Variants in ZNF727 observed in about 807,000 individuals in gnomAD.
The protein encoded by ZNF727 is putative zinc finger protein 727.
In ZNF727, 11 loss-of-function variants were observed where a neutral mutation model predicts 11.5. The ratio of observed to expected loss-of-function variants is 0.95; its 90% CI spans 0.60 to 1.58. The LOEUF (loss-of-function observed/expected upper bound fraction) is 1.58, where lower values mean the gene tolerates loss of function less well. Among genes scored for constraint, ZNF727 ranks in the 40% most tolerant of loss-of-function variants. The pLI, the probability that ZNF727 is intolerant of heterozygous loss-of-function variation, is 0.00. For missense variants in ZNF727, 533 were observed against 581.7 expected (o/e 0.92, Z 0.86); for synonymous variants, 171 against 196.1 (o/e 0.87, Z 1.07).
chr7:64,060,036 G>A (rs984265482), intron 1 of ZNF727, among the ~76,000 whole-genome samples: 4 of 151,970 alleles, frequency 2.6e-5, no homozygotes, highest in Non-Finnish European at 4.4e-5. Context: ...AGCTTATTTT[G>A]CTTTTGAATA....
intron 1 of ZNF727, among the ~76,000 whole-genome samples, chr7:64,061,250 G>A (rs1789765373): frequency 1.3e-5 from 2 of 152,038 alleles, no homozygotes; most frequent in Admixed American, 6.6e-5. Flanking sequence ...TGGATTATGT[G>A]TCTGCTGCTG....
chr7:64,055,427 A>AG (rs58097380), intron 1 of ZNF727, among the ~76,000 whole-genome samples: 1,848 of 151,434 alleles, frequency 0.012, 56 homozygotes, highest in East Asian at 0.078. Flanking sequence ...AAAAAAAAAA[A>AG]GTGTACATAA....
Position 64,079,035 on chromosome 7 carries a change from T to C in ZNF727, c.*486T>C, listed in dbSNP as rs574501619. On this transcript the variant is annotated 3_prime_UTR_variant, in exon 4 of 4. Transcript: ENST00000456806. ...GCCTTTACCTACTCCTCAATCCTTA[T>C]TAACCACAAGAGAATTCATATGGAA... Among the ~76,000 whole-genome samples, 45 of 151,638 alleles carry C rather than the reference T, an allele frequency of 3.0e-4. No individual in the cohort carries two copies. Among genetic ancestry groups the C allele is most frequent in the Admixed American group, 1.3e-3 (20 of 15,218 alleles).
chr7:64,077,272 T>C lies in ZNF727; in HGVS notation c.227-4T>C, dbSNP rs1785680484. The C allele has an allele frequency of 3.4e-6, 5 of 1,479,758 alleles. No homozygotes were observed. The highest frequency in any genetic ancestry group is 4.5e-6 in the Non-Finnish European group (5 of 1,117,720). 91.7% of individuals were successfully genotyped at this position (1,479,758 alleles called of 1,614,324 possible). The stretch of plus-strand genomic sequence containing the variant: ...AAATTTTGTGGTTCTTTTTTTTTTT[T>C]CAGCTGGCTCTTTGCATTTTACTGC... On this transcript the variant is annotated splice_polypyrimidine_tract_variant and splice_region_variant and intron_variant, in intron 3 of 3. Transcript: ENST00000456806.
chr7:64,071,046 G>C (rs1048782181), intron 3 of ZNF727, among the ~76,000 whole-genome samples: 1 of 151,162 alleles, frequency 6.6e-6, no homozygotes, highest in Admixed American at 6.6e-5. Flanking sequence ...GATTGCTTTT[G>C]TATCTTGACA....
chr7:64,056,944 C>T (rs973501709), intron 1 of ZNF727, among the ~76,000 whole-genome samples: 2 of 152,094 alleles, frequency 1.3e-5, no homozygotes, highest in Admixed American at 1.3e-4. Context: ...ATAAAGACAT[C>T]TGCCTTTGTG....
chr7:64,053,766 A>G (rs1052690871), intron 1 of ZNF727, among the ~76,000 whole-genome samples: 1 of 152,134 alleles, frequency 6.6e-6, no homozygotes, highest in African/African-American at 2.4e-5. Flanking sequence ...TGTAAGTCCA[A>G]TTAAACCTTT....
chr7:64,050,359 G>A (rs1298903467), intron 1 of ZNF727, among the ~76,000 whole-genome samples: 2 of 151,964 alleles, frequency 1.3e-5, no homozygotes, highest in Non-Finnish European at 2.9e-5. Flanking sequence ...AGAGCTTCAG[G>A]CCCCAAAAAA....
chr7:64,069,744 T>C, intron 3 of ZNF727, 135 bp downstream of exon 3: 1 of 732,020 alleles, frequency 1.4e-6, no homozygotes, highest in South Asian at 1.9e-5. Flanking sequence ...TTTCTTTCTC[T>C]TGCTTTAACA....
chr7:64,055,012 T>C (rs1186304332), intron 1 of ZNF727, among the ~76,000 whole-genome samples: 1 of 152,186 alleles, frequency 6.6e-6, no homozygotes, highest in Non-Finnish European at 1.5e-5. Flanking sequence ...GGTAATGTCA[T>C]CTTTTCCCCC....
At position 64,080,258 on chromosome 7, in the gene ZNF727, TCATTCTCTC is replaced by T. The variant is rs1785765487; in HGVS notation, c.*1713_*1721del. Among the ~76,000 whole-genome samples the T allele has an allele frequency of 6.6e-6, 1 of 152,188 alleles. No individual in the cohort carries two copies. The highest frequency in any genetic ancestry group is 2.1e-4 in the South Asian group (1 of 4,826). On this transcript the variant is annotated 3_prime_UTR_variant, in exon 4 of 4. Coordinates refer to ENST00000456806, the MANE Select transcript of ZNF727 (RefSeq NM_001159522.3). ...CCGAAATATGTATTTCAAGTTGTTT[TCATTCTCTC>T]CATCACTTTCAAGCACTCTCTTTAA...
chr7:64,064,195 C>G (rs1789826711), intron 1 of ZNF727, among the ~76,000 whole-genome samples: 1 of 152,122 alleles, frequency 6.6e-6, no homozygotes, highest in South Asian at 2.1e-4. Context: ...CCTCAAGCAG[C>G]AGTCTCTCCA....
In ZNF727 at chr7:64,079,801, TC is replaced by T. The variant is rs1262491593; in HGVS notation, c.*1253del. On this transcript the variant is annotated 3_prime_UTR_variant, in exon 4 of 4. Coordinates refer to ENST00000456806, the MANE Select transcript of ZNF727 (RefSeq NM_001159522.3). Reference sequence around the variant, plus strand: ...GTGTTTTTGTAGTGACTGTTTATAGTCTTTTTCTTATTTAGGGCTTTCTTCA... The same window carrying T: ...GTGTTTTTGTAGTGACTGTTTATAGTTTTTTCTTATTTAGGGCTTTCTTCA... Among the ~76,000 whole-genome samples, 3 of 152,198 alleles carry T rather than the reference TC, an allele frequency of 2.0e-5. No individual in the cohort carries two copies. Among genetic ancestry groups the T allele is most frequent in the Admixed American group, 6.5e-5 (1 of 15,270 alleles).
At chr7:64,046,624 C>G (rs1789512012) in intron 1 of ZNF727, among the ~76,000 whole-genome samples, 2 of 152,254 alleles carry the variant, frequency 1.3e-5, no homozygotes, top group Non-Finnish European at 2.9e-5. Context: ...CCCCCAGAAG[C>G]AGATGCTGGT....
rs1276819216 is a variant in ZNF727, at chr7:64,076,240, T to C, written c.227-1036T>C. 4.6e-5 allele frequency among the ~76,000 whole-genome samples: 7 copies of C among 152,334 alleles called. No homozygotes were observed. In the East Asian group the frequency reaches 1.2e-3, roughly 25 times the overall value. On this transcript the variant is annotated intron_variant, in intron 3 of 3. Coordinates refer to ENST00000456806, the MANE Select transcript of ZNF727 (RefSeq NM_001159522.3). ...GTGTTTGTTTGCCTGTGTAAAATAT[T>C]ACTCCTATTTTATGACTTGTATATT...
intron 1 of ZNF727, among the ~76,000 whole-genome samples, chr7:64,049,904 T>C (rs1392775118): frequency 6.6e-6 from 1 of 151,596 alleles, no homozygotes; most frequent in Non-Finnish European, 1.5e-5. Context: ...TAAGCTTTTG[T>C]CCCATTTACA....
In ZNF727 at chr7:64,084,789, T is replaced by G. The variant is rs1336662763; in HGVS notation, c.*6240T>G. Among the ~76,000 whole-genome samples, 1 of 152,200 alleles carries G rather than the reference T, an allele frequency of 6.6e-6. No individual in the cohort carries two copies. Among genetic ancestry groups the G allele is most frequent in the Non-Finnish European group, 1.5e-5 (1 of 68,018 alleles). ...AAATGTATCACTGTAAAATAAACTT[T>G]AAGTGTAACAGATTTATAGAGAAAA... On this transcript the variant is annotated 3_prime_UTR_variant, in exon 4 of 4. Transcript: ENST00000456806.
chr7:64,061,698 A>C (rs1213440750), intron 1 of ZNF727, among the ~76,000 whole-genome samples: 1 of 151,950 alleles, frequency 6.6e-6, no homozygotes, highest in Non-Finnish European at 1.5e-5. Context: ...TTAATAAATA[A>C]AGACACATCT....
intron 1 of ZNF727, among the ~76,000 whole-genome samples, chr7:64,062,685 A>AATATATATATATATATATAT (rs71057374): frequency 0.033 from 2,924 of 89,646 alleles, 363 homozygotes; most frequent in Non-Finnish European, 0.042. Context: ...CTTGTACTTG[A>AATATATATATATATATATAT]ATATATATAT....
Sources: gnomAD v4.1 joint callset for allele counts (sites outside exome capture counted in the v4.1 genomes callset) on GRCh38, gnomAD v4.1.1 for gene constraint, MANE v1.5 for transcripts, NCBI Gene and HGNC (gene_info 2026-07-23, HGNC 2026-07-21) for gene names.